Variants in ARMC12 observed in about 807,000 individuals in gnomAD.
ARMC12 encodes armadillo repeat-containing protein 12.
ARMC12 carries 25 observed loss-of-function variants against 37.4 expected under a neutral mutation model. The ratio of observed to expected loss-of-function variants is 0.67; its 90% CI spans 0.49 to 0.93. The LOEUF (loss-of-function observed/expected upper bound fraction) is 0.93, where lower values mean the gene tolerates loss of function less well. Ranked by LOEUF, ARMC12 falls within the 40% of genes least tolerant of loss-of-function variation. ARMC12 has a pLI of 0.00. For synonymous variants in ARMC12, 167 were observed against 176.1 expected (o/e 0.95, Z 0.41); for missense variants, 384 against 426.6 (o/e 0.90, Z 0.88).
Position 35,747,573 on chromosome 6 carries a change from C to T in ARMC12, c.619-3C>T. 3 of 1,614,130 alleles carry T rather than the reference C, an allele frequency of 1.9e-6. No homozygotes were observed. The highest frequency in any genetic ancestry group is 2.5e-6 in the Non-Finnish European group (3 of 1,179,986). On this transcript the variant is annotated splice_region_variant and splice_polypyrimidine_tract_variant and intron_variant, in intron 4 of 5. Coordinates refer to ENST00000373866, the MANE Select transcript of ARMC12 (RefSeq NM_001286574.2). ...CTCATGCTTTACTCTTTCCTTTATT[C>T]AGGTGCAAGCCGTACGACTGCTGAG...
intron 3 of ARMC12, among the ~76,000 whole-genome samples, chr6:35,739,971 TCCAAGGAC>T (rs1325569616): frequency 6.6e-6 from 1 of 152,220 alleles, no homozygotes; most frequent in Non-Finnish European, 1.5e-5. Context: ...CCAGAAGCTA[TCCAAGGAC>T]CCTGCCTGGA....
intron 3 of ARMC12, among the ~76,000 whole-genome samples, chr6:35,740,792 T>G (rs1767139481): frequency 6.6e-6 from 1 of 152,128 alleles, no homozygotes; most frequent in Non-Finnish European, 1.5e-5. Context: ...GGTATGTTTT[T>G]AAGCTTCATG....
chr6:35,748,789 C>T lies in ARMC12; in HGVS notation c.942C>T (p.Val314=), dbSNP rs376200236. ...DVQIQACKVI[V]SLQYPQDLRA... is the part of the protein sequence containing the mutation. ...AGATCCAGGCCTGCAAGGTCATTGT[C>T]AGCCTGCAGTATCCCCAGGACTTGA... Residue 314 remains valine (V), a synonymous_variant, in exon 6 of 6, where the codon GTC becomes GTT. Transcript: ENST00000373866. 1 of 1,614,136 alleles carries T rather than the reference C, an allele frequency of 6.2e-7. No individual in the cohort carries two copies. The highest frequency in any genetic ancestry group is 8.5e-7 in the Non-Finnish European group (1 of 1,180,054).
intron 3 of ARMC12, 105 bp from the exon 4 acceptor site, chr6:35,747,156 G>A: frequency 7.7e-7 from 1 of 1,291,978 alleles, no homozygotes; most frequent in Admixed American, 2.3e-5. Flanking sequence ...TGTCTATTGG[G>A]TTTGGCCCAG....
At position 35,748,928 on chromosome 6, in the gene ARMC12, G is replaced by C. The variant is rs576135556; in HGVS notation, c.*58G>C. ...AGAAACTTGAAGTTTCTTGAAGCTCGAATGTCTGTTGGTGGCCTTCCAGGG... is the reference window on the plus strand; with the variant it reads ...AGAAACTTGAAGTTTCTTGAAGCTCCAATGTCTGTTGGTGGCCTTCCAGGG... On this transcript the variant is annotated 3_prime_UTR_variant, in exon 6 of 6. Transcript: ENST00000373866. 215 of 1,511,018 alleles carry C rather than the reference G, an allele frequency of 1.4e-4. No homozygotes were observed. Among genetic ancestry groups the C allele is most frequent in the Non-Finnish European group, 1.9e-4 (212 of 1,123,082 alleles). The allele number at this position is 1,511,018 out of a possible 1,614,324, so 93.6% of individuals were successfully genotyped here. A position where few individuals can be genotyped will look rare whatever the true frequency, so the allele number is the denominator to read the frequency against.
In ARMC12 at chr6:35,746,053, A is replaced by T. The variant is rs914980422; in HGVS notation, c.445-1208A>T. ...AGAGTGAGACGGTCTCCAATAAAAT[A>T]AAATAAAATAAAATTAAATTAAAAA... On this transcript the variant is annotated intron_variant, in intron 3 of 5. Transcript: ENST00000373866. Among the ~76,000 whole-genome samples, 19 of 119,636 alleles carry T rather than the reference A, an allele frequency of 1.6e-4. 1 individual carries two copies. The highest frequency in any genetic ancestry group is 2.3e-4 in the African/African-American group (6 of 25,800). The allele number at this position is 119,636 out of a possible 152,430, so 78.5% of individuals were successfully genotyped here.
chr6:35,738,271 T>C, intron 2 of ARMC12, 99 bp downstream of exon 2: 11 of 849,200 alleles, frequency 1.3e-5, no homozygotes, highest in Non-Finnish European at 1.8e-5. Flanking sequence ...GGGACCTCTC[T>C]CTGGCTGATA....
At chr6:35,736,692 C>T (rs1292617613), upstream of ARMC12, 1 of 203,856 alleles carries the variant, frequency 4.9e-6, no homozygotes, top group African/African-American at 2.3e-5. Flanking sequence ...ACTGCAACCT[C>T]AACCTCCCAG....
rs185323052 is a variant in ARMC12, at chr6:35,738,640, A to G, written c.444+122A>G. 87 of 1,359,676 alleles carry G rather than the reference A, an allele frequency of 6.4e-5. No individual in the cohort carries two copies. The Admixed American group carries it at 1.9e-3, about 30-fold the overall frequency. 84.2% of individuals were successfully genotyped at this position (1,359,676 alleles called of 1,614,324 possible). On this transcript the variant is annotated intron_variant, in intron 3 of 5. Coordinates refer to ENST00000373866, the MANE Select transcript of ARMC12 (RefSeq NM_001286574.2). Reference sequence around the variant, plus strand: ...TTGGGTGTGAATTTGTAACCCAGAAATAAGTGGGAAAACGGTGGTCAGATT... The same window carrying G: ...TTGGGTGTGAATTTGTAACCCAGAAGTAAGTGGGAAAACGGTGGTCAGATT...
At chr6:35,748,495 T>A (rs774402460) in intron 5 of ARMC12, 43 bp from the exon 6 acceptor site, 1 of 1,391,550 alleles carries the variant, frequency 7.2e-7, no homozygotes, top group Non-Finnish European at 9.4e-7. Flanking sequence ...TTTTGTAACT[T>A]GCCTAGGAGT....
rs747399625 is a variant in ARMC12, at chr6:35,737,184, G to A, written c.76G>A (p.Gly26Arg). Residue 26 changes from glycine to arginine, a missense_variant, in exon 1 of 6, where the codon GGG becomes AGG. Coordinates refer to ENST00000373866, the MANE Select transcript of ARMC12 (RefSeq NM_001286574.2). ...CGTAGTCAGCCTGGCCACAGGCGCC[G>A]GGGCGATCTACCTGCTCTACAAGGC... is the stretch of plus-strand genomic sequence containing the variant. ...KSVVSLATGA[G>R]AIYLLYKAIK... 6.2e-6 allele frequency: 10 copies of A among 1,614,220 alleles called. No homozygotes were observed. Among genetic ancestry groups the A allele is most frequent in the Admixed American group, 5.0e-5 (3 of 60,032 alleles).
intron 3 of ARMC12, among the ~76,000 whole-genome samples, chr6:35,742,301 G>T (rs1038377147): frequency 1.3e-5 from 2 of 151,628 alleles, no homozygotes; most frequent in Non-Finnish European, 2.9e-5. Flanking sequence ...TTCGAGACCA[G>T]CCTAGCCAAC....
intron 1 of ARMC12, 55 bp from the exon 2 acceptor site, chr6:35,737,972 A>G: frequency 1.2e-6 from 2 of 1,604,210 alleles, no homozygotes; most frequent in Non-Finnish European, 1.7e-6. Context: ...TCCCAACCCC[A>G]TTCTTTCATC....
At chr6:35,738,338 G>A (rs1363285923) in intron 2 of ARMC12, 46 bp from the exon 3 acceptor site, 1 of 1,593,240 alleles carries the variant, frequency 6.3e-7, no homozygotes, top group Non-Finnish European at 8.5e-7. Flanking sequence ...AGTGGGCCCA[G>A]AACACCCGCT....
chr6:35,748,698 T>G lies in ARMC12; in HGVS notation c.851T>G (p.Phe284Cys), dbSNP rs1353105796. 6.2e-7 allele frequency: 1 copy of G among 1,614,184 alleles called. No homozygotes were observed. Among genetic ancestry groups the G allele is most frequent in the Non-Finnish European group, 8.5e-7 (1 of 1,180,034 alleles). ...GAACAGTCCCTGCATGAATCCCTCT[T>G]TGGGGAAGAGTCCCGACTGGCAGAC... ...YNEQSLHESL[F>C]GEESRLADRL... The change falls in exon 6 of 6, where the codon TTT becomes TGT. Residue 284 changes from phenylalanine to cysteine, a missense_variant. Physicochemically the swap from Phe to Cys is radical, Grantham distance 205 (BLOSUM62 -2). Coordinates refer to ENST00000373866, the MANE Select transcript of ARMC12 (RefSeq NM_001286574.2).
chr6:35,734,265 T>C (rs1766901086), upstream of ARMC12, among the ~76,000 whole-genome samples: 1 of 152,034 alleles, frequency 6.6e-6, no homozygotes, highest in Admixed American at 6.6e-5. Flanking sequence ...GTTCAGGCAA[T>C]CCTACCGCCT....
rs555227914 is a variant in ARMC12, at chr6:35,738,949, C to T, written c.444+431C>T. Among the ~76,000 whole-genome samples the T allele has an allele frequency of 3.5e-4, 53 of 152,318 alleles. No individual in the cohort carries two copies. The Middle Eastern group carries it at 0.01, about 29-fold the overall frequency. On this transcript the variant is annotated intron_variant, in intron 3 of 5. Transcript: ENST00000373866. ...TCATAGGTCTGACTTCTGACTGGCC[C>T]GCTATGAATTCGGGGGTTCCCACAA...
intron 3 of ARMC12, among the ~76,000 whole-genome samples, chr6:35,741,832 A>C (rs1241525876): frequency 6.6e-6 from 1 of 152,178 alleles, no homozygotes; most frequent in Admixed American, 6.5e-5. Flanking sequence ...CAAAAGAATA[A>C]AAATAGATTG....
chr6:35,738,295 G>GTGTGC, intron 2 of ARMC12, 89 bp from the exon 3 acceptor site: 2 of 1,414,992 alleles, frequency 1.4e-6, no homozygotes, highest in Non-Finnish European at 1.9e-6. Context: ...GTGGGGGGGG[G>GTGTGC]GTGTGCGGAG....
Sources: allele counts gnomAD v4.1 joint callset (sites outside exome capture counted in the v4.1 genomes callset), GRCh38; gene constraint gnomAD v4.1.1; transcripts MANE v1.5; gene names NCBI Gene and HGNC (gene_info 2026-07-23, HGNC 2026-07-21).